The following PAK4 variants were observed in gnomAD, a reference collection of about 807,000 sequenced individuals.
PAK4 encodes serine/threonine-protein kinase PAK 4.
Under a neutral mutation model 53.5 loss-of-function variants are expected in PAK4, and 49 were observed. The ratio of observed to expected loss-of-function variants is 0.92; its 90% CI spans 0.73 to 1.16. The LOEUF (loss-of-function observed/expected upper bound fraction) is 1.16. PAK4 is among the 50% of genes most tolerant of loss of function. PAK4 has a pLI of 0.00. For missense variants in PAK4, 824 were observed against 850.7 expected, an observed-to-expected ratio of 0.97 and a Z score of 0.39; for synonymous variants, 376 against 375.6, an observed-to-expected ratio of 1.00 and a Z score of -0.01.
chr19:39,174,321 C>A (rs894193731), intron 4 of PAK4, among the ~76,000 whole-genome samples: 1 of 151,816 alleles, frequency 6.6e-6, no homozygotes, highest in Non-Finnish European at 1.5e-5. Context: ...GGTACAGTGT[C>A]CTCCAGACCT....
chr19:39,173,034 G>C lies in PAK4; in HGVS notation c.321G>C (p.Pro107=), dbSNP rs897440647. 2.6e-6 allele frequency: 4 copies of C among 1,548,752 alleles called. No homozygotes were observed. The highest frequency in any genetic ancestry group is 1.4e-5 in the African/African-American group (1 of 72,968). Reference sequence around the variant, plus strand: ...CCCTGCGGAGAGACAGCCCGCCGCCGCCCGCCCGTGCCCGCCAGGAAAATG... The same window carrying C: ...CCCTGCGGAGAGACAGCCCGCCGCCCCCCGCCCGTGCCCGCCAGGAAAATG... Residue 107 remains proline (P), a synonymous_variant, in exon 3 of 9, where the codon CCG becomes CCC. Transcript: ENST00000358301. This position sits in a 1 kb window ranked among gnomAD's most constrained non-coding sequence, Gnocchi z 6.9.
intron 6 of PAK4, among the ~76,000 whole-genome samples, chr19:39,176,283 T>C (rs1350098287): frequency 1.3e-5 from 2 of 152,224 alleles, no homozygotes; most frequent in African/African-American, 4.8e-5. Flanking sequence ...GGGCCACCCC[T>C]GTTCCCAGCT....
At chr19:39,180,813 AAGAT>A (rs1439891542), downstream of PAK4, 11 of 152,362 alleles carry the variant, frequency 7.2e-5, no homozygotes, top group East Asian at 1.5e-3. Context: ...TTGTTCCAGA[AAGAT>A]AGCAGCTCAG....
At chr19:39,152,750 C>T (rs1426863874) in intron 1 of PAK4, among the ~76,000 whole-genome samples, 10 of 147,498 alleles carry the variant, frequency 6.8e-5, no homozygotes, top group Middle Eastern at 6.9e-3. Flanking sequence ...TGATGGCAAT[C>T]GGGTTCAATG....
intron 7 of PAK4, 37 bp from the exon 9 acceptor site, chr19:39,177,638 C>T (rs1478877778): frequency 8.8e-6 from 14 of 1,593,254 alleles, no homozygotes; most frequent in African/African-American, 1.3e-5. Flanking sequence ...CACCATCCCC[C>T]AACAGCTCAG....
chr19:39,174,012 T>C lies in PAK4; in HGVS notation c.1098+2T>C, dbSNP rs2074548140. ...AGGCGCGAGCTGCTCTTCAACGAGG[T>C]GCGGGCGCTGCTGCCCTGCCGCCCT... On this transcript the variant is annotated splice_donor_variant, in intron 4 of 8. Transcript: ENST00000358301. LOFTEE classifies it high-confidence loss of function. 1 of 1,566,642 alleles carries C rather than the reference T, an allele frequency of 6.4e-7. No homozygotes were observed. Among genetic ancestry groups the C allele is most frequent in the East Asian group, 2.3e-5 (1 of 43,056 alleles).
At chr19:39,177,590 G>T in intron 7 of PAK4, 85 bp from the exon 9 acceptor site, 2 of 1,450,978 alleles carry the variant, frequency 1.4e-6, no homozygotes, top group Admixed American at 4.2e-5. Context: ...GGCAGAGACA[G>T]CGCTGGAGCG....
chr19:39,181,032 G>C (rs993462155), downstream of PAK4: 2 of 152,244 alleles, frequency 1.3e-5, no homozygotes, highest in Non-Finnish European at 2.9e-5. Flanking sequence ...TGACCCCACG[G>C]TAACTCTGCT....
At chr19:39,171,168 C>T (rs995781600) in intron 2 of PAK4, among the ~76,000 whole-genome samples, 19 of 151,720 alleles carry the variant, frequency 1.3e-4, no homozygotes, top group South Asian at 4.2e-4. Flanking sequence ...TGCCCTTGAC[C>T]GGGCCTCAGG....
chr19:39,174,356 C>T (rs1209146424), intron 4 of PAK4, among the ~76,000 whole-genome samples: 1 of 151,760 alleles, frequency 6.6e-6, no homozygotes, highest in Non-Finnish European at 1.5e-5. Context: ...CCCTGTGCCC[C>T]GCCCTGGCCT....
chr19:39,172,848 C>CGT (rs2074509500), intron 2 of PAK4, 70 bp from the exon 4 acceptor site: 1 of 1,277,228 alleles, frequency 7.8e-7, no homozygotes, highest in African/African-American at 1.5e-5. Flanking sequence ...CCTGTCCCTG[C>CGT]GTGTCGGATG....
intron 1 of PAK4, among the ~76,000 whole-genome samples, chr19:39,159,580 G>A (rs769614846): frequency 2.0e-5 from 3 of 152,176 alleles, no homozygotes; most frequent in African/African-American, 7.2e-5. Context: ...TAGGGATGGG[G>A]TTTTGCCATG....
chr19:39,152,968 C>T (rs769039819), intron 1 of PAK4, among the ~76,000 whole-genome samples: 4 of 152,094 alleles, frequency 2.6e-5, no homozygotes, highest in African/African-American at 9.7e-5. Flanking sequence ...GACTGAGGGA[C>T]GTGAGCATCC....
At chr19:39,174,109 G>A in intron 4 of PAK4, 99 bp downstream of exon 5, 1 of 804,592 alleles carries the variant, frequency 1.2e-6, no homozygotes, top group Non-Finnish European at 1.9e-6. Context: ...CTCCGTGCTG[G>A]GCCAGGCTCC....
intron 1 of PAK4, among the ~76,000 whole-genome samples, chr19:39,130,753 G>C (rs1023406980): frequency 2.0e-5 from 3 of 152,010 alleles, no homozygotes; most frequent in African/African-American, 4.8e-5. Flanking sequence ...GTTGGATACA[G>C]CAGGGCCTAG....
intron 1 of PAK4, among the ~76,000 whole-genome samples, chr19:39,136,791 A>G (rs972479256): frequency 5.9e-5 from 9 of 152,206 alleles, no homozygotes; most frequent in African/African-American, 1.9e-4. Flanking sequence ...GAACTGTAGT[A>G]AGCTGGGCTG....
chr19:39,172,710 G>A (rs1029181596), intron 2 of PAK4, among the ~76,000 whole-genome samples: 10 of 152,110 alleles, frequency 6.6e-5, no homozygotes, highest in Non-Finnish European at 1.2e-4. Context: ...GCCTGGCCAT[G>A]GCGATCACTC....
At chr19:39,159,042 T>C (rs1342645284) in intron 1 of PAK4, among the ~76,000 whole-genome samples, 2 of 152,176 alleles carry the variant, frequency 1.3e-5, no homozygotes, top group Non-Finnish European at 2.9e-5. Context: ...TGTGTCGTCT[T>C]ATTCGCTCGT....
rs148596930 is a variant in PAK4, at chr19:39,126,772, ACTGTG to A, written c.-23+856_-23+860del. Among the ~76,000 whole-genome samples the A allele has an allele frequency of 1.3e-3, 204 of 152,232 alleles. 2 individuals are homozygous for A. The East Asian group carries it at 0.031, about 23-fold the overall frequency. The stretch of plus-strand genomic sequence containing the variant: ...CGGTTAATGTTTAATGAGGGCTCAC[ACTGTG>A]CTCCACGCCCTGTGTGCCCGGTCGT... On this transcript the variant is annotated intron_variant, in intron 1 of 8. Transcript: ENST00000358301.
Sources: gnomAD v4.1 joint callset for allele counts (sites outside exome capture counted in the v4.1 genomes callset) on GRCh38, gnomAD v4.1.1 for gene constraint, Gnocchi (gnomAD v3.1) non-coding constraint, MANE v1.5 for transcripts, NCBI Gene and HGNC (gene_info 2026-07-23, HGNC 2026-07-21) for gene names.